The following TAF4B variants were observed in gnomAD, a reference collection of about 807,000 sequenced individuals.
The protein encoded by TAF4B is transcription initiation factor TFIID subunit 4B.
Under a neutral mutation model 86.4 loss-of-function variants are expected in TAF4B, and 38 were observed. That is an observed-to-expected ratio of 0.44 (90% CI 0.34 to 0.58). The LOEUF (loss-of-function observed/expected upper bound fraction) is 0.58, where lower values mean the gene tolerates loss of function less well. Among genes scored for constraint, TAF4B ranks in the 20% least tolerant of loss-of-function variants. The pLI is 0.02. For missense variants in TAF4B, 988 were observed against 1,027.6 expected (o/e 0.96, Z 0.53); for synonymous variants, 388 against 391.2 (o/e 0.99, Z 0.10).
intron 9 of TAF4B, among the ~76,000 whole-genome samples, chr18:26,297,958 C>T (rs1213167369): frequency 6.6e-6 from 1 of 151,326 alleles, no homozygotes; most frequent in African/African-American, 2.4e-5. Context: ...CCATTTCCAC[C>T]AACAAAGTAT....
intron 5 of TAF4B, 64 bp from the exon 6 acceptor site, chr18:26,281,907 T>C: frequency 8.1e-7 from 1 of 1,234,886 alleles, no homozygotes; most frequent in African/African-American, 1.5e-5. Flanking sequence ...TCATGAATTA[T>C]ATACTTTGTC....
intron 1 of TAF4B, among the ~76,000 whole-genome samples, chr18:26,238,825 A>T (rs1183702457): frequency 1.3e-5 from 2 of 152,036 alleles, no homozygotes; most frequent in South Asian, 2.1e-4. Context: ...CACCTATGAG[A>T]TAGAACATGC....
At chr18:26,356,136 C>T (rs2057286969) in intron 13 of TAF4B, among the ~76,000 whole-genome samples, 1 of 152,082 alleles carries the variant, frequency 6.6e-6, no homozygotes, top group South Asian at 2.1e-4. Context: ...AAGGTGCCAG[C>T]AGATTTGGTG....
intron 13 of TAF4B, 116 bp downstream of exon 13, chr18:26,335,347 G>A (rs1041357668): frequency 3.3e-5 from 28 of 848,070 alleles, no homozygotes; most frequent in Middle Eastern, 2.2e-4. Flanking sequence ...AGAAGCCTTG[G>A]GGAAGGACAG....
intron 1 of TAF4B, among the ~76,000 whole-genome samples, chr18:26,232,661 G>A (rs1024094470): frequency 6.6e-6 from 1 of 152,094 alleles, no homozygotes; most frequent in African/African-American, 2.4e-5. Flanking sequence ...TACTATCCCT[G>A]ACTGGTTAGT....
Position 26,256,337 on chromosome 18 carries a change from T to G in TAF4B, c.344-8833T>G, listed in dbSNP as rs2056083989. The G allele has an allele frequency of 1.3e-5, 19 of 1,452,984 alleles. 1 individual carries two copies. The South Asian group carries it at 2.2e-4, about 17-fold the overall frequency. The allele number at this position is 1,452,984 out of a possible 1,614,324, so 90.0% of individuals were successfully genotyped here. Reference sequence around the variant, plus strand: ...AGCCCTCTATACTTCGGTACATCTTTGGCGTGTGAAAACCAAACATCTTTT... The same window carrying G: ...AGCCCTCTATACTTCGGTACATCTTGGGCGTGTGAAAACCAAACATCTTTT... On this transcript the variant is annotated intron_variant, in intron 1 of 14. Coordinates refer to ENST00000269142, the MANE Select transcript of TAF4B (RefSeq NM_005640.3).
At chr18:26,361,104 G>A (rs560930692) in intron 14 of TAF4B, among the ~76,000 whole-genome samples, 5 of 151,190 alleles carry the variant, frequency 3.3e-5, no homozygotes, top group South Asian at 2.1e-4. Flanking sequence ...TTATTTTTAC[G>A]TGTATAATTA....
At chr18:26,353,500 G>A (rs1265620994) in intron 13 of TAF4B, among the ~76,000 whole-genome samples, 2 of 152,330 alleles carry the variant, frequency 1.3e-5, no homozygotes, top group Admixed American at 6.5e-5. Context: ...GGAGGCCAAG[G>A]CCGGTGGATA....
chr18:26,365,853 G>A (rs1358203005), intron 14 of TAF4B, among the ~76,000 whole-genome samples: 1 of 151,978 alleles, frequency 6.6e-6, no homozygotes, highest in African/African-American at 2.4e-5. Flanking sequence ...GCAGTGGTGC[G>A]ATCTCAGCTC....
chr18:26,277,354 A>G (rs561472606), intron 5 of TAF4B, among the ~76,000 whole-genome samples: 1 of 152,292 alleles, frequency 6.6e-6, no homozygotes. Context: ...GCGAAGTGCT[A>G]GGATTACGGG....
At chr18:26,331,599 C>T (rs950973795) in intron 12 of TAF4B, among the ~76,000 whole-genome samples, 1 of 152,148 alleles carries the variant, frequency 6.6e-6, no homozygotes, top group Non-Finnish European at 1.5e-5. Flanking sequence ...CAATAAATTA[C>T]ACCACCATCT....
intron 9 of TAF4B, among the ~76,000 whole-genome samples, chr18:26,311,657 T>G (rs1160129341): frequency 6.6e-6 from 1 of 151,944 alleles, no homozygotes; most frequent in Non-Finnish European, 1.5e-5. Flanking sequence ...AGTTGAAGAC[T>G]AGAACAGGAA....
Position 26,227,206 on chromosome 18 carries a change from T to C in TAF4B, c.273T>C (p.Pro91=), listed in dbSNP as rs757726259. Residue 91 remains proline, a synonymous_variant, in exon 1 of 15, where the codon CCT becomes CCC. Transcript: ENST00000269142. ...KVSSGPRLPA[P]QIVAVKAPNT... ...GCAGCGGCCCTAGGCTGCCTGCTCC[T>C]CAGATAGTCGCCGTGAAAGCCCCCA... is the stretch of plus-strand genomic sequence containing the variant. 1.9e-5 allele frequency: 30 copies of C among 1,613,906 alleles called. No homozygotes were observed. The African/African-American group carries it at 4.0e-4, about 22-fold the overall frequency.
chr18:26,307,300 A>G (rs1598783926), intron 9 of TAF4B, among the ~76,000 whole-genome samples: 1 of 152,122 alleles, frequency 6.6e-6, no homozygotes, highest in East Asian at 1.9e-4. Context: ...TTTTTCTGCT[A>G]AGAAGATTCT....
chr18:26,357,588 A>C, intron 13 of TAF4B, 102 bp from the exon 14 acceptor site: 1 of 704,346 alleles, frequency 1.4e-6, no homozygotes, highest in South Asian at 2.9e-5. Context: ...TTATATTGTA[A>C]CTTTATTTGG....
chr18:26,350,537 A>T (rs1208146124), intron 13 of TAF4B, among the ~76,000 whole-genome samples: 1 of 152,262 alleles, frequency 6.6e-6, no homozygotes, highest in Non-Finnish European at 1.5e-5. Context: ...TTAGCCAGGT[A>T]TGGTGGCATA....
chr18:26,259,910 AGT>A (rs2056140048), intron 1 of TAF4B, among the ~76,000 whole-genome samples: 1 of 152,198 alleles, frequency 6.6e-6, no homozygotes, highest in African/African-American at 2.4e-5. Flanking sequence ...ACAGTGTAAA[AGT>A]GTGCCTATTT....
At chr18:26,332,951 A>C (rs1423419544) in intron 12 of TAF4B, among the ~76,000 whole-genome samples, 5 of 152,070 alleles carry the variant, frequency 3.3e-5, no homozygotes, top group South Asian at 4.2e-4. Flanking sequence ...CACATGGACC[A>C]TCGTTCTTTC....
intron 9 of TAF4B, among the ~76,000 whole-genome samples, chr18:26,313,556 C>T (rs1383697025): frequency 6.6e-6 from 1 of 152,100 alleles, no homozygotes; most frequent in African/African-American, 2.4e-5. Flanking sequence ...TTTTCTTTCC[C>T]CATTACAGAG....
Sources: allele counts gnomAD v4.1 joint callset (sites outside exome capture counted in the v4.1 genomes callset), GRCh38; gene constraint gnomAD v4.1.1; transcripts MANE v1.5; gene names NCBI Gene and HGNC (gene_info 2026-07-23, HGNC 2026-07-21).